ZNF184: variants seen among roughly 807,000 people sequenced by gnomAD.
ZNF184 encodes zinc finger protein 184 (Kruppel-like).
In ZNF184, 16 loss-of-function variants were observed where a neutral mutation model predicts 54.4. The observed-to-expected ratio is 0.29, with a 90% CI of 0.20 to 0.45. The LOEUF (loss-of-function observed/expected upper bound fraction) is 0.45. Among genes scored for constraint, ZNF184 ranks in the 20% least tolerant of loss-of-function variants. The probability of loss-of-function intolerance (pLI) is 1.00; values close to 1 mark genes in which losing one functional copy is unlikely to be tolerated. For synonymous variants in ZNF184, 254 were observed against 295.3 expected (o/e 0.86, Z 1.43); for missense variants, 681 against 888.2 (o/e 0.77, Z 2.97).
At chr6:27,415,130 T>C in the ZNF184 span, among the ~76,000 whole-genome samples, 1 of 152,220 alleles carries the variant, frequency 6.6e-6, no homozygotes, top group Non-Finnish European at 1.5e-5. Flanking sequence ...TCTCAGGCTA[T>C]TGATGAGCTG....
chr6:27,425,200 G>A, the ZNF184 span, among the ~76,000 whole-genome samples: 4 of 152,214 alleles, frequency 2.6e-5, no homozygotes, highest in Non-Finnish European at 4.4e-5. Context: ...GTTCCCGCTC[G>A]CGCCTCTCCC....
the ZNF184 span, among the ~76,000 whole-genome samples, chr6:27,419,841 C>T: frequency 2.0e-5 from 3 of 152,158 alleles, no homozygotes; most frequent in African/African-American, 7.2e-5. This position sits in a 1 kb window ranked among gnomAD's most constrained non-coding sequence, Gnocchi z 4.8. Flanking sequence ...CTCACTTCCC[C>T]TCGTGCCCCT....
chr6:27,465,016 C>CAAAAAAAAAAAAAAAAAAAAAAAAAAA (rs61602778), intron 3 of ZNF184, among the ~76,000 whole-genome samples: 4 of 48,918 alleles, frequency 8.2e-5, no homozygotes, highest in African/African-American at 4.6e-4. Context: ...GACTCTGTCT[C>CAAAAAAAAAAAAAAAAAAAAAAAAAAA]AAAAAAAAAA....
At chr6:27,462,397 A>C (rs979143354) in intron 3 of ZNF184, among the ~76,000 whole-genome samples, 2 of 151,546 alleles carry the variant, frequency 1.3e-5, no homozygotes, top group Non-Finnish European at 2.9e-5. Flanking sequence ...ACGGGGTTTC[A>C]CTGTGTTAGC....
At chr6:27,443,811 T>C in the ZNF184 span, among the ~76,000 whole-genome samples, 1 of 151,864 alleles carries the variant, frequency 6.6e-6, no homozygotes, top group Non-Finnish European at 1.5e-5. Flanking sequence ...TAGCTCTTAC[T>C]TTCACTTCTT....
the ZNF184 span, among the ~76,000 whole-genome samples, chr6:27,436,331 T>G: frequency 1.9e-4 from 29 of 152,058 alleles, no homozygotes; most frequent in African/African-American, 6.5e-4. Flanking sequence ...CCCCACCTAA[T>G]TTTTGTATTT....
chr6:27,408,085 A>T, the ZNF184 span: 1 of 767,148 alleles, frequency 1.3e-6, no homozygotes, highest in South Asian at 1.4e-5. Context: ...ACTCATTTCT[A>T]ACTACTGCTG....
At chr6:27,455,443 C>A (rs187699378) in intron 5 of ZNF184, among the ~76,000 whole-genome samples, 1 of 152,130 alleles carries the variant, frequency 6.6e-6, no homozygotes, top group Admixed American at 6.6e-5. Flanking sequence ...GGTTTTCTAT[C>A]TGGTCAAGTA....
At chr6:27,440,429 T>C in the ZNF184 span, among the ~76,000 whole-genome samples, 1 of 152,226 alleles carries the variant, frequency 6.6e-6, no homozygotes, top group South Asian at 2.1e-4. Context: ...AATGGTACTC[T>C]GTTCATTTCA....
At chr6:27,463,336 T>C (rs1194366775) in intron 3 of ZNF184, among the ~76,000 whole-genome samples, 1 of 151,276 alleles carries the variant, frequency 6.6e-6, no homozygotes, top group East Asian at 1.9e-4. Flanking sequence ...GAGAATGTTT[T>C]GAGATTTAAA....
chr6:27,434,937 G>T, the ZNF184 span, among the ~76,000 whole-genome samples: 363 of 152,204 alleles, frequency 2.4e-3, 5 homozygotes, highest in Admixed American at 0.014. Context: ...AATGGTCTTG[G>T]TGCTTGCTCT....
At chr6:27,461,308 C>T (rs1332357306) in intron 3 of ZNF184, among the ~76,000 whole-genome samples, 1 of 152,168 alleles carries the variant, frequency 6.6e-6, no homozygotes, top group Non-Finnish European at 1.5e-5. Flanking sequence ...TCTCTGGACT[C>T]TGATTATGAA....
At chr6:27,407,672 G>GCTGAGTCATGCAA in the ZNF184 span, 4 of 659,468 alleles carry the variant, frequency 6.1e-6, no homozygotes, top group African/African-American at 7.1e-5. Context: ...ATGCAAGCCT[G>GCTGAGTCATGCAA]GATGTCCACC....
chr6:27,459,612 A>T lies in ZNF184; in HGVS notation c.76-2203T>A, dbSNP rs1041812436. 2.0e-5 allele frequency among the ~76,000 whole-genome samples: 3 copies of T among 152,178 alleles called. No individual in the cohort carries two copies. In the East Asian group the frequency reaches 5.8e-4, roughly 29 times the overall value. ...TCTATCTGGGGGGCAATCTGACAAG[A>T]TCTATCAAAACTTTAATGGATACAC... On this transcript the variant is annotated intron_variant, in intron 3 of 5. Coordinates refer to ENST00000683788, the MANE Select transcript of ZNF184 (RefSeq NM_001318891.2).
At chr6:27,422,907 T>G in the ZNF184 span, among the ~76,000 whole-genome samples, 1 of 152,180 alleles carries the variant, frequency 6.6e-6, no homozygotes, top group African/African-American at 2.4e-5. Flanking sequence ...CCGGATTCAG[T>G]GTCTGTCGTT....
At chr6:27,423,246 C>A in the ZNF184 span, among the ~76,000 whole-genome samples, 1 of 152,190 alleles carries the variant, frequency 6.6e-6, no homozygotes, top group African/African-American at 2.4e-5. Context: ...CGGCTTTCAC[C>A]CTAAGAATCT....
chr6:27,435,145 C>T, the ZNF184 span, among the ~76,000 whole-genome samples: 2 of 151,940 alleles, frequency 1.3e-5, no homozygotes, highest in Non-Finnish European at 2.9e-5. Context: ...CTTTGAGATA[C>T]CATGTGAATT....
chr6:27,442,487 G>A, the ZNF184 span, among the ~76,000 whole-genome samples: 1 of 151,938 alleles, frequency 6.6e-6, no homozygotes, highest in South Asian at 2.1e-4. Context: ...CAGGCATGGT[G>A]GCACACACCT....
intron 2 of ZNF184, among the ~76,000 whole-genome samples, chr6:27,471,562 T>C (rs1307617596): frequency 6.6e-6 from 1 of 152,198 alleles, no homozygotes; most frequent in Non-Finnish European, 1.5e-5. Context: ...AAGAGCTATG[T>C]TTACCATTAG....
Sources: allele counts gnomAD v4.1 joint callset (sites outside exome capture counted in the v4.1 genomes callset), GRCh38; gene constraint gnomAD v4.1.1; non-coding constraint Gnocchi (gnomAD v3.1); transcripts MANE v1.5; gene names NCBI Gene and HGNC (gene_info 2026-07-23, HGNC 2026-07-21).